Variants in CSMD3 observed in about 807,000 individuals in gnomAD.
CSMD3 encodes the protein CUB and sushi domain-containing protein 3.
CSMD3 carries 177 observed loss-of-function variants against 435.2 expected under a neutral mutation model. The observed-to-expected ratio is 0.41, with a 90% CI of 0.36 to 0.46. The LOEUF (loss-of-function observed/expected upper bound fraction) is 0.46, where lower values mean the gene tolerates loss of function less well. CSMD3 is among the 20% of genes least tolerant of loss of function. The probability of loss-of-function intolerance (pLI) is 0.34; values close to 1 mark genes in which losing one functional copy is unlikely to be tolerated. For missense variants in CSMD3, 4,265 were observed against 4,504.6 expected (o/e 0.95, Z 1.52); for synonymous variants, 1,656 against 1,520.5 (o/e 1.09, Z -2.07).
intron 2 of CSMD3, among the ~76,000 whole-genome samples, chr8:113,295,704 T>A (rs2093715916): frequency 6.6e-6 from 1 of 152,122 alleles, no homozygotes; most frequent in African/African-American, 2.4e-5. Flanking sequence ...CCAGCCTGAG[T>A]TCTAGTGTGA....
At chr8:112,256,539 G>C (rs1815821048) in intron 61 of CSMD3, among the ~76,000 whole-genome samples, 1 of 152,190 alleles carries the variant, frequency 6.6e-6, no homozygotes, top group Non-Finnish European at 1.5e-5. Flanking sequence ...AGGAAGATTA[G>C]GAGGCCTGTG....
chr8:112,466,284 A>G (rs2130713487), intron 32 of CSMD3, among the ~76,000 whole-genome samples: 1 of 152,328 alleles, frequency 6.6e-6, no homozygotes, highest in East Asian at 1.9e-4. Context: ...TGATTGAACA[A>G]GCAAACAAAA....
chr8:112,934,736 A>C (rs1011350775), intron 9 of CSMD3, among the ~76,000 whole-genome samples: 8 of 152,154 alleles, frequency 5.3e-5, no homozygotes, highest in Non-Finnish European at 1.2e-4. Flanking sequence ...GAGCCTGGAA[A>C]AAAAAATTAC....
intron 32 of CSMD3, among the ~76,000 whole-genome samples, chr8:112,452,231 C>T (rs1026285): frequency 0.43 from 64,937 of 151,978 alleles, 14,852 homozygotes; most frequent in Middle Eastern, 0.61. Flanking sequence ...TTGGACTTTT[C>T]GAAACATATT....
At chr8:113,215,087 C>A (rs551297281) in intron 3 of CSMD3, among the ~76,000 whole-genome samples, 2 of 151,686 alleles carry the variant, frequency 1.3e-5, no homozygotes, top group East Asian at 3.9e-4. Flanking sequence ...CTCATATATT[C>A]GTAATAAAAT....
chr8:113,063,330 G>A (rs988476181), intron 5 of CSMD3, among the ~76,000 whole-genome samples: 2 of 151,706 alleles, frequency 1.3e-5, no homozygotes, highest in Non-Finnish European at 3.0e-5. Context: ...TCATTGCTGT[G>A]TCAAGTTATT....
intron 62 of CSMD3, among the ~76,000 whole-genome samples, chr8:112,254,953 C>G (rs190743148): frequency 6.6e-6 from 1 of 151,990 alleles, no homozygotes; most frequent in African/African-American, 2.4e-5. Flanking sequence ...TCTTTATTAA[C>G]TATAAAAATC....
chr8:112,686,502 T>TC (rs1369051139), intron 14 of CSMD3, among the ~76,000 whole-genome samples: 2 of 151,490 alleles, frequency 1.3e-5, no homozygotes, highest in African/African-American at 2.4e-5. Flanking sequence ...TTTTTTTTTT[T>TC]CTGAGACGGA....
intron 5 of CSMD3, among the ~76,000 whole-genome samples, chr8:113,057,512 A>T (rs572487567): frequency 6.6e-6 from 1 of 152,116 alleles, no homozygotes; most frequent in Non-Finnish European, 1.5e-5. Flanking sequence ...TTACCAGAAC[A>T]TAAATTTAGA....
intron 13 of CSMD3, among the ~76,000 whole-genome samples, chr8:112,741,778 A>AGAG (rs879367135): frequency 5.6e-4 from 78 of 138,152 alleles, no homozygotes; most frequent in Admixed American, 1.1e-3. Context: ...TAGATGATAG[A>AGAG]TAGATAGATA....
chr8:112,369,748 A>G (rs1257950954), intron 38 of CSMD3, among the ~76,000 whole-genome samples: 3 of 152,010 alleles, frequency 2.0e-5, no homozygotes, highest in Admixed American at 1.3e-4. Context: ...GCATTAGGAC[A>G]AATACCTAAT....
At chr8:113,006,623 T>C (rs2086067100) in intron 6 of CSMD3, among the ~76,000 whole-genome samples, 1 of 151,824 alleles carries the variant, frequency 6.6e-6, no homozygotes, top group Admixed American at 6.6e-5. Context: ...AAAGAGAGCA[T>C]CTGTGTTGGG....
intron 2 of CSMD3, chr8:113,309,428 T>G (rs2093849992): frequency 6.6e-6 from 1 of 152,138 alleles, no homozygotes; most frequent in African/African-American, 2.4e-5. Flanking sequence ...GTTGCCATCT[T>G]TATGTCCATG....
chr8:112,643,424 A>T (rs2074891411), intron 20 of CSMD3: 1 of 169,914 alleles, frequency 5.9e-6, no homozygotes, highest in Non-Finnish European at 1.5e-5. Context: ...AATTTGCTAC[A>T]CTTTGGAAGA....
intron 32 of CSMD3, among the ~76,000 whole-genome samples, chr8:112,427,232 G>A (rs1047555009): frequency 5.3e-5 from 8 of 152,064 alleles, no homozygotes; most frequent in African/African-American, 1.9e-4. Context: ...TTCCTGACTT[G>A]ATAAAAGATA....
At chr8:112,617,506 C>T (rs930668311) in intron 22 of CSMD3, among the ~76,000 whole-genome samples, 6 of 152,132 alleles carry the variant, frequency 3.9e-5, no homozygotes, top group Non-Finnish European at 8.8e-5. Flanking sequence ...TAGTAAAGTA[C>T]ATGGCAGTTT....
At chr8:112,400,209 T>C (rs1360086512) in intron 35 of CSMD3, among the ~76,000 whole-genome samples, 1 of 152,172 alleles carries the variant, frequency 6.6e-6, no homozygotes, top group Non-Finnish European at 1.5e-5. Flanking sequence ...TTCTAAAGCA[T>C]TGGCAGATTC....
intron 3 of CSMD3, among the ~76,000 whole-genome samples, chr8:113,179,771 G>A (rs2131922169): frequency 6.6e-6 from 1 of 151,618 alleles, no homozygotes; most frequent in South Asian, 2.1e-4. Flanking sequence ...CAAAATTTTT[G>A]TTATGGTTTC....
intron 3 of CSMD3, among the ~76,000 whole-genome samples, chr8:113,230,756 G>A (rs2093076662): frequency 6.6e-6 from 1 of 151,048 alleles, no homozygotes; most frequent in Non-Finnish European, 1.5e-5. Flanking sequence ...TTCCCATGTT[G>A]GTTTTTTATG....
Sources: gnomAD v4.1 joint callset for allele counts (sites outside exome capture counted in the v4.1 genomes callset) on GRCh38, gnomAD v4.1.1 for gene constraint, MANE v1.5 for transcripts, NCBI Gene and HGNC (gene_info 2026-07-23, HGNC 2026-07-21) for gene names.